The following ADAMTSL1 variants were observed in gnomAD, a reference collection of about 807,000 sequenced individuals.
The protein encoded by ADAMTSL1 is ADAMTS-like protein 1.
In ADAMTSL1, 126 loss-of-function variants were observed where a neutral mutation model predicts 201.8. The observed-to-expected ratio is 0.62, with a 90% CI of 0.54 to 0.72. The LOEUF (loss-of-function observed/expected upper bound fraction) is 0.72, where lower values mean the gene tolerates loss of function less well. ADAMTSL1 is among the 30% of genes least tolerant of loss of function. ADAMTSL1 has a pLI of 0.00. For synonymous variants in ADAMTSL1, 1,121 were observed against 903.4 expected (o/e 1.24, Z -4.32); for missense variants, 2,679 against 2,277.8 (o/e 1.18, Z -3.59).
intron 23 of ADAMTSL1, among the ~76,000 whole-genome samples, chr9:18,860,440 G>T (rs906748291): frequency 2.0e-5 from 3 of 152,030 alleles, no homozygotes; most frequent in African/African-American, 7.2e-5. Flanking sequence ...AGTTACAATG[G>T]CAGAGTTGAG....
intron 2 of ADAMTSL1, among the ~76,000 whole-genome samples, chr9:18,395,202 G>A (rs963066841): frequency 2.0e-5 from 3 of 152,156 alleles, no homozygotes; most frequent in African/African-American, 7.2e-5. Flanking sequence ...GCAACAGTAA[G>A]ATCTGTAAAC....
intron 1 of ADAMTSL1, among the ~76,000 whole-genome samples, chr9:18,058,838 T>C (rs985209967): frequency 1.3e-5 from 2 of 152,174 alleles, no homozygotes; most frequent in African/African-American, 4.8e-5. Flanking sequence ...ACAATTCCAG[T>C]AAAAGAAACC....
In ADAMTSL1 at chr9:18,209,838, T is replaced by C. The variant is rs146455007; in HGVS notation, c.207+45857T>C. Among the ~76,000 whole-genome samples the C allele has an allele frequency of 9.2e-5, 14 of 152,284 alleles. No individual in the cohort carries two copies. In the East Asian group the frequency reaches 2.7e-3, roughly 29 times the overall value. The stretch of plus-strand genomic sequence containing the variant: ...ACTTTGGTGGGAATTGAGTAGTACC[T>C]ATACCAGCTTGCCTGTAGACAGTGA... On this transcript the variant is annotated intron_variant, in intron 2 of 29. Coordinates refer to the ADAMTSL1 transcript ENST00000680146.
chr9:18,906,992 T>C (rs1182435355), intron 28 of ADAMTSL1, 80 bp downstream of exon 28: 6 of 1,508,432 alleles, frequency 4.0e-6, no homozygotes, highest in Non-Finnish European at 5.4e-6. Context: ...GGACCGACCC[T>C]GAGCATAGGG....
chr9:18,074,264 A>C (rs538950890), intron 1 of ADAMTSL1, among the ~76,000 whole-genome samples: 1 of 152,254 alleles, frequency 6.6e-6, no homozygotes, highest in South Asian at 2.1e-4. Context: ...TTTTCTTTCA[A>C]AAAACTATGA....
chr9:18,543,807 C>T (rs1337913141), intron 3 of ADAMTSL1, among the ~76,000 whole-genome samples: 3 of 152,156 alleles, frequency 2.0e-5, no homozygotes, highest in Admixed American at 6.5e-5. Flanking sequence ...TCACTGGGTG[C>T]CCCCCAGCCC....
chr9:18,779,654 T>C (rs1199528541), intron 19 of ADAMTSL1, among the ~76,000 whole-genome samples: 1 of 152,206 alleles, frequency 6.6e-6, no homozygotes, highest in African/African-American at 2.4e-5. Context: ...TCAGCTTAAC[T>C]GCTCTTATCC....
intron 1 of ADAMTSL1, among the ~76,000 whole-genome samples, chr9:18,026,152 A>G (rs1171569033): frequency 6.6e-6 from 1 of 152,056 alleles, no homozygotes; most frequent in Non-Finnish European, 1.5e-5. Context: ...ATCATCAGTA[A>G]AGAGAGATTA....
intron 2 of ADAMTSL1, among the ~76,000 whole-genome samples, chr9:18,444,460 C>A (rs896297513): frequency 1.3e-5 from 2 of 152,120 alleles, no homozygotes; most frequent in Admixed American, 1.3e-4. Context: ...TGTTGACTTA[C>A]ATGTGAACAA....
chr9:18,123,076 C>A (rs1825573350), intron 1 of ADAMTSL1, among the ~76,000 whole-genome samples: 1 of 152,114 alleles, frequency 6.6e-6, no homozygotes, highest in Non-Finnish European at 1.5e-5. Flanking sequence ...ACTTTTCAAG[C>A]TTTTTGTCAT....
chr9:18,568,355 T>G (rs1822073283), intron 3 of ADAMTSL1, among the ~76,000 whole-genome samples: 1 of 152,202 alleles, frequency 6.6e-6, no homozygotes, highest in Admixed American at 6.5e-5. Flanking sequence ...TACTTAGGTG[T>G]GCTAAAAGAT....
chr9:18,828,490 A>G (rs910086803), intron 22 of ADAMTSL1, among the ~76,000 whole-genome samples: 1 of 151,332 alleles, frequency 6.6e-6, no homozygotes, highest in Non-Finnish European at 1.5e-5. Context: ...TCCAGAGTAG[A>G]AAGAGATCTT....
intron 2 of ADAMTSL1, among the ~76,000 whole-genome samples, chr9:18,287,713 C>T (rs1353458129): frequency 2.8e-5 from 2 of 70,548 alleles, no homozygotes; most frequent in Admixed American, 2.1e-4. Flanking sequence ...CATATATTTA[C>T]ATATATATGT....
chr9:18,162,471 A>G (rs888529613), intron 1 of ADAMTSL1, among the ~76,000 whole-genome samples: 3 of 152,008 alleles, frequency 2.0e-5, no homozygotes, highest in African/African-American at 7.2e-5. Flanking sequence ...GCTGGGGGCC[A>G]AGATTCTTTT....
intron 4 of ADAMTSL1, among the ~76,000 whole-genome samples, chr9:18,578,767 TG>T (rs1822898617): frequency 6.6e-6 from 1 of 151,704 alleles, no homozygotes. Flanking sequence ...CTGGGTCAAA[TG>T]GTATTTCTAG....
intron 2 of ADAMTSL1, among the ~76,000 whole-genome samples, chr9:18,417,813 C>G (rs1346698927): frequency 6.6e-6 from 1 of 152,114 alleles, no homozygotes; most frequent in Non-Finnish European, 1.5e-5. Flanking sequence ...GAAATAACAC[C>G]ACGTCTACCC....
intron 1 of ADAMTSL1, among the ~76,000 whole-genome samples, chr9:18,065,164 A>G (rs1437531737): frequency 1.3e-5 from 2 of 152,258 alleles, no homozygotes; most frequent in East Asian, 3.9e-4. Context: ...ACTCCAAAAC[A>G]TGAAACCTGG....
intron 22 of ADAMTSL1, among the ~76,000 whole-genome samples, chr9:18,828,619 T>C (rs1824746202): frequency 7.4e-6 from 1 of 135,452 alleles, no homozygotes; most frequent in African/African-American, 2.8e-5. Context: ...GCATGATGTT[T>C]TTCTCTATGC....
At chr9:18,673,452 T>A (rs1455459549) in intron 9 of ADAMTSL1, among the ~76,000 whole-genome samples, 1 of 152,268 alleles carries the variant, frequency 6.6e-6, no homozygotes, top group Non-Finnish European at 1.5e-5. Context: ...GTCTTCACCA[T>A]GACCCATGTC....
Sources: allele counts gnomAD v4.1 joint callset (sites outside exome capture counted in the v4.1 genomes callset), GRCh38; gene constraint gnomAD v4.1.1; transcripts MANE v1.5; gene names NCBI Gene and HGNC (gene_info 2026-07-23, HGNC 2026-07-21).